Variants in OR56A3 observed in about 807,000 individuals in gnomAD.
The protein encoded by OR56A3 is olfactory receptor 56A3.
OR56A3 carries 23 observed loss-of-function variants against 17.5 expected under a neutral mutation model. That is an observed-to-expected ratio of 1.32 (90% CI 0.95 to 1.87). The LOEUF (loss-of-function observed/expected upper bound fraction) is 1.87. OR56A3 is among the 40% of genes most tolerant of loss of function. The pLI is 0.00. For missense variants in OR56A3, 366 were observed against 380.1 expected (o/e 0.96, Z 0.31); for synonymous variants, 175 against 150.6 (o/e 1.16, Z -1.19).
At chr11:5,985,582 T>C in the OR56A3 span, among the ~76,000 whole-genome samples, 1 of 152,150 alleles carries the variant, frequency 6.6e-6, no homozygotes, top group Admixed American at 6.5e-5. Context: ...AACCAAAGGG[T>C]GGGACTTTAC....
At chr11:6,003,849 A>G in the OR56A3 span, among the ~76,000 whole-genome samples, 1 of 152,164 alleles carries the variant, frequency 6.6e-6, no homozygotes, top group African/African-American at 2.4e-5. Context: ...ATATGCAAGA[A>G]CCCACTTACC....
chr11:5,973,572 G>T, the OR56A3 span, among the ~76,000 whole-genome samples: 4 of 152,068 alleles, frequency 2.6e-5, no homozygotes, highest in Admixed American at 2.6e-4. Context: ...ATGTCTCTTG[G>T]GGGTTTGTGA....
the OR56A3 span, chr11:6,019,456 A>C: frequency 1.3e-5 from 2 of 152,360 alleles, no homozygotes; most frequent in East Asian, 3.9e-4. Context: ...CAATTTACAA[A>C]AGAAATAGGT....
the OR56A3 span, among the ~76,000 whole-genome samples, chr11:5,972,627 G>A: frequency 2.6e-5 from 4 of 152,088 alleles, no homozygotes; most frequent in Admixed American, 6.5e-5. Context: ...CAGTAGTTTG[G>A]GATACTGGGA....
the OR56A3 span, chr11:6,002,327 A>G: frequency 6.2e-7 from 1 of 1,614,196 alleles, no homozygotes; most frequent in Non-Finnish European, 8.5e-7. Context: ...TCAATATAAA[A>G]GAATAGGAGA....
rs1201356879 is a variant in OR56A3, at chr11:5,950,760, A to G, written c.*2466A>G. ...CTTTTCTGTACTAAGTCTTTGAAAC[A>G]CCCTGAGTATTTTACACTTAACATA... On this transcript the variant is annotated 3_prime_UTR_variant, in exon 3 of 3. Transcript: ENST00000641160. The G allele has an allele frequency of 6.6e-6, 1 of 152,102 alleles. No homozygotes were observed. The highest frequency in any genetic ancestry group is 2.4e-5 in the African/African-American group (1 of 41,444). The allele number at this position is 152,102 out of a possible 1,614,324, so 9.4% of individuals were successfully genotyped here.
chr11:5,952,473 A>G (rs560163261), downstream of OR56A3, among the ~76,000 whole-genome samples: 2 of 152,180 alleles, frequency 1.3e-5, no homozygotes, highest in South Asian at 4.2e-4. Context: ...TAAGACATTC[A>G]CTTTCCAAAA....
chr11:5,994,190 C>A, the OR56A3 span: 15 of 521,026 alleles, frequency 2.9e-5, no homozygotes, highest in Non-Finnish European at 5.6e-5. Context: ...CAGGCCTCCA[C>A]CTCCCTCAGG....
chr11:5,970,836 T>C, the OR56A3 span, among the ~76,000 whole-genome samples: 1 of 152,366 alleles, frequency 6.6e-6, no homozygotes, highest in East Asian at 1.9e-4. Flanking sequence ...GTATTTTCTC[T>C]TTTTATTTCA....
the OR56A3 span, chr11:5,968,043 A>G: frequency 1.2e-6 from 2 of 1,605,132 alleles, no homozygotes. Context: ...CCTGGCCACA[A>G]CAAAGATGGC....
At chr11:5,994,289 T>C in the OR56A3 span, 19 of 626,854 alleles carry the variant, frequency 3.0e-5, no homozygotes, top group African/African-American at 2.9e-4. Flanking sequence ...ATGAGTGTCA[T>C]CTCAGCAGCT....
the OR56A3 span, among the ~76,000 whole-genome samples, chr11:6,011,204 T>TATATATATATATATATATA: frequency 5.7e-5 from 7 of 122,520 alleles, no homozygotes; most frequent in African/African-American, 1.8e-4. Flanking sequence ...GAGATTTATT[T>TATATATATATATATATATA]TATATATATA....
the OR56A3 span, chr11:5,994,317 C>T: frequency 1.5e-6 from 1 of 666,766 alleles, no homozygotes; most frequent in South Asian, 1.4e-5. Context: ...TGGCGGACTG[C>T]ATGTGACCAC....
the OR56A3 span, among the ~76,000 whole-genome samples, chr11:5,960,373 C>A: frequency 3.3e-5 from 5 of 152,192 alleles, no homozygotes; most frequent in Non-Finnish European, 4.4e-5. Flanking sequence ...GATTCTCCTG[C>A]CTCAGCCTGC....
chr11:5,946,862 G>A (rs1847872948), intron 2 of OR56A3, among the ~76,000 whole-genome samples: 1 of 152,126 alleles, frequency 6.6e-6, no homozygotes, highest in African/African-American at 2.4e-5. Flanking sequence ...TGGGGACTAG[G>A]GACATTTATC....
At chr11:5,979,918 G>T in the OR56A3 span, among the ~76,000 whole-genome samples, 1 of 151,982 alleles carries the variant, frequency 6.6e-6, no homozygotes, top group East Asian at 1.9e-4. Flanking sequence ...ACAATGTATT[G>T]ATTTCTGCCT....
the OR56A3 span, chr11:6,003,102 A>T: frequency 6.2e-7 from 1 of 1,608,424 alleles, no homozygotes; most frequent in Non-Finnish European, 8.5e-7. Flanking sequence ...GTTTCCACTG[A>T]GGCCCTGTAT....
rs545639802 is a variant in OR56A3 at position 5,949,787 on chromosome 11, T to A, written c.*1493T>A. 19 of 152,326 alleles carry A rather than the reference T, an allele frequency of 1.2e-4. No individual in the cohort carries two copies. Among genetic ancestry groups the A allele is most frequent in the African/African-American group, 4.1e-4 (17 of 41,576 alleles). The allele number at this position is 152,326 out of a possible 1,614,324, so 9.4% of individuals were successfully genotyped here. On this transcript the variant is annotated 3_prime_UTR_variant, in exon 3 of 3. Coordinates refer to ENST00000641160, the MANE Select transcript of OR56A3 (RefSeq NM_001003443.3). ...CCATCTTGCAAAAAAAATGATAAAT[T>A]AGTATTTAATTCCTGGATATCCTGG...
chr11:5,982,069 C>G, the OR56A3 span, among the ~76,000 whole-genome samples: 1 of 152,174 alleles, frequency 6.6e-6, no homozygotes, highest in African/African-American at 2.4e-5. Context: ...GTGGCAACAA[C>G]AGTCCAGTGG....
Sources: gnomAD v4.1 joint callset for allele counts (sites outside exome capture counted in the v4.1 genomes callset) on GRCh38, gnomAD v4.1.1 for gene constraint, MANE v1.5 for transcripts, NCBI Gene and HGNC (gene_info 2026-07-23, HGNC 2026-07-21) for gene names.